Variants in SNX29 observed in about 807,000 individuals in gnomAD.
SNX29 encodes sorting nexin-29.
In SNX29, 78 loss-of-function variants were observed where a neutral mutation model predicts 102.1. That is an observed-to-expected ratio of 0.76 (90% CI 0.64 to 0.92). The LOEUF (loss-of-function observed/expected upper bound fraction) is 0.92, where lower values mean the gene tolerates loss of function less well. SNX29 is among the 40% of genes least tolerant of loss of function. The pLI is 0.00. For synonymous variants in SNX29, 580 were observed against 414.5 expected (o/e 1.40, Z -4.85); for missense variants, 1,280 against 1,061.7 (o/e 1.21, Z -2.86).
At chr16:12,146,683 T>C (rs899126725) in intron 13 of SNX29, among the ~76,000 whole-genome samples, 1 of 152,232 alleles carries the variant, frequency 6.6e-6, no homozygotes, top group African/African-American at 2.4e-5. Flanking sequence ...CTCCTGCATC[T>C]GTGGCTGTGG....
intron 18 of SNX29, among the ~76,000 whole-genome samples, chr16:12,434,267 G>T (rs1441745654): frequency 6.6e-6 from 1 of 152,198 alleles, no homozygotes; most frequent in African/African-American, 2.4e-5. Flanking sequence ...TTATTGACCA[G>T]AGTGTGTACA....
At chr16:12,097,623 G>C (rs964032145) in intron 11 of SNX29, among the ~76,000 whole-genome samples, 8 of 151,974 alleles carry the variant, frequency 5.3e-5, no homozygotes, top group African/African-American at 1.5e-4. Context: ...TAACAGCTCA[G>C]ACTCTTAATT....
chr16:12,091,747 AG>A (rs1217851504), intron 11 of SNX29, among the ~76,000 whole-genome samples: 1 of 125,350 alleles, frequency 8.0e-6, no homozygotes, highest in Non-Finnish European at 1.6e-5. Context: ...ACTGCACTCC[AG>A]CCTGGGCAAC....
intron 4 of SNX29, among the ~76,000 whole-genome samples, chr16:12,040,105 T>C (rs1167584962): frequency 6.6e-6 from 1 of 152,196 alleles, no homozygotes; most frequent in Non-Finnish European, 1.5e-5. Context: ...GGCTCCCGAC[T>C]GTAATCCTAG....
At chr16:12,358,016 C>G (rs11648255) in intron 16 of SNX29, among the ~76,000 whole-genome samples, 2 of 151,890 alleles carry the variant, frequency 1.3e-5, no homozygotes, top group African/African-American at 2.4e-5. Flanking sequence ...CAGGAGATGC[C>G]TAATGTTTGC....
At chr16:12,519,701 T>C (rs570679705) in intron 19 of SNX29, among the ~76,000 whole-genome samples, 5 of 152,160 alleles carry the variant, frequency 3.3e-5, no homozygotes, top group African/African-American at 7.2e-5. Context: ...TTATTTAAAA[T>C]TTTTCAGCAA....
chr16:12,563,118 A>T (rs78541127), intron 20 of SNX29, among the ~76,000 whole-genome samples: 1 of 151,898 alleles, frequency 6.6e-6, no homozygotes, highest in Non-Finnish European at 1.5e-5. Context: ...AACAGAGCCT[A>T]GGAAAGGTCG....
chr16:12,507,405 C>T (rs182700644), intron 19 of SNX29, among the ~76,000 whole-genome samples: 7 of 152,336 alleles, frequency 4.6e-5, no homozygotes, highest in Admixed American at 2.0e-4. Flanking sequence ...AATGCAGAAT[C>T]GAACCCTCCC....
intron 16 of SNX29, among the ~76,000 whole-genome samples, chr16:12,358,656 C>G (rs1396578810): frequency 6.6e-6 from 1 of 152,182 alleles, no homozygotes; most frequent in South Asian, 2.1e-4. Flanking sequence ...AGCCCCGCAC[C>G]CTGGAGGAAA....
intron 20 of SNX29, among the ~76,000 whole-genome samples, chr16:12,537,884 C>G (rs12597363): frequency 0.019 from 2,836 of 151,606 alleles, 91 homozygotes; most frequent in East Asian, 0.1. Flanking sequence ...TTTTGGGACG[C>G]TAAGGCAGGA....
At chr16:12,559,439 C>G (rs531353266) in intron 20 of SNX29, among the ~76,000 whole-genome samples, 3 of 151,250 alleles carry the variant, frequency 2.0e-5, no homozygotes, top group South Asian at 2.1e-4. Context: ...GCTCAGGGCT[C>G]CCAATGATTC....
intron 13 of SNX29, among the ~76,000 whole-genome samples, chr16:12,156,472 C>T (rs1397770285): frequency 1.3e-5 from 2 of 152,222 alleles, no homozygotes; most frequent in African/African-American, 2.4e-5. Flanking sequence ...TGGCCCAGCC[C>T]TCTTGGAGTC....
chr16:12,080,428 A>G (rs2051806802), intron 11 of SNX29, among the ~76,000 whole-genome samples: 1 of 152,046 alleles, frequency 6.6e-6, no homozygotes, highest in Admixed American at 6.6e-5. Context: ...TTAATAGATC[A>G]CTCAGTCCAT....
intron 11 of SNX29, among the ~76,000 whole-genome samples, chr16:12,111,247 C>G (rs1470993022): frequency 5.9e-5 from 9 of 152,142 alleles, no homozygotes; most frequent in African/African-American, 1.7e-4. Flanking sequence ...ACCCTTCCAC[C>G]CCTGCACCAG....
At chr16:12,234,104 G>A (rs1004649232) in intron 14 of SNX29, among the ~76,000 whole-genome samples, 3 of 152,148 alleles carry the variant, frequency 2.0e-5, no homozygotes, top group African/African-American at 7.2e-5. Context: ...TTTCTCTCGG[G>A]TATAACCTAG....
intron 16 of SNX29, among the ~76,000 whole-genome samples, chr16:12,377,798 T>C (rs763473801): frequency 6.6e-6 from 1 of 152,122 alleles, no homozygotes; most frequent in South Asian, 2.1e-4. Flanking sequence ...GTTTCCTGAG[T>C]TGTAGGTACC....
chr16:12,023,406 TCAAA>T (rs2057087854), intron 3 of SNX29, among the ~76,000 whole-genome samples: 1 of 77,102 alleles, frequency 1.3e-5, no homozygotes, highest in African/African-American at 4.9e-5. Context: ...AGACTCTGTC[TCAAA>T]AAAAAAAAAA....
rs569491818 is a variant in SNX29 at position 12,084,290 on chromosome 16, T to C, written c.1402+5375T>C. Among the ~76,000 whole-genome samples the C allele has an allele frequency of 3.9e-5, 6 of 152,176 alleles. No homozygotes were observed. In the South Asian group the frequency reaches 1.2e-3, roughly 32 times the overall value. On this transcript the variant is annotated intron_variant, in intron 11 of 20. Coordinates refer to ENST00000566228, the MANE Select transcript of SNX29 (RefSeq NM_032167.5). ...CCTCATGAGTAGCTGGGATTACAGA[T>C]GCCCGCCACCACACCCAGCTAATTT...
intron 15 of SNX29, among the ~76,000 whole-genome samples, chr16:12,304,151 T>C (rs1265154963): frequency 6.6e-6 from 1 of 151,950 alleles, no homozygotes; most frequent in Non-Finnish European, 1.5e-5. Flanking sequence ...TCAGATCTTT[T>C]GGAGGCTGTG....
Sources: gnomAD v4.1 joint callset for allele counts (sites outside exome capture counted in the v4.1 genomes callset) on GRCh38, gnomAD v4.1.1 for gene constraint, MANE v1.5 for transcripts, NCBI Gene and HGNC (gene_info 2026-07-23, HGNC 2026-07-21) for gene names.